The following PGM1 variants were observed in gnomAD, a reference collection of about 807,000 sequenced individuals.
PGM1 encodes the protein phosphoglucomutase-1.
Under a neutral mutation model 55.6 loss-of-function variants are expected in PGM1, and 52 were observed. That is an observed-to-expected ratio of 0.94 (90% CI 0.75 to 1.18). PGM1 has a LOEUF of 1.18. Ranked by LOEUF, PGM1 falls within the 50% of genes most tolerant of loss-of-function variation. PGM1 has a pLI of 0.00. For synonymous variants in PGM1, 287 were observed against 271.7 expected, an observed-to-expected ratio of 1.06 and a Z score of -0.55; for missense variants, 724 against 729.3, an observed-to-expected ratio of 0.99 and a Z score of 0.08.
At chr1:63,598,875 T>C (rs1431935263) in intron 1 of PGM1, among the ~76,000 whole-genome samples, 3 of 152,200 alleles carry the variant, frequency 2.0e-5, no homozygotes, top group Non-Finnish European at 4.4e-5. Flanking sequence ...CAGAGCAAAC[T>C]AGTGGGACTT....
At chr1:63,633,771 G>A (rs961717591) in intron 4 of PGM1, among the ~76,000 whole-genome samples, 8 of 150,620 alleles carry the variant, frequency 5.3e-5, no homozygotes, top group Non-Finnish European at 1.0e-4. Flanking sequence ...AAGTTCAAGC[G>A]ATTCTCCTGC....
intron 7 of PGM1, among the ~76,000 whole-genome samples, chr1:63,644,451 G>C (rs1649599033): frequency 7.0e-6 from 1 of 142,350 alleles, no homozygotes; most frequent in Non-Finnish European, 1.6e-5. Flanking sequence ...TAAGGAAGGA[G>C]GAAAAAAACA....
chr1:63,658,365 T>C (rs1411997115), intron 10 of PGM1, among the ~76,000 whole-genome samples: 1 of 151,292 alleles, frequency 6.6e-6, no homozygotes, highest in Admixed American at 6.6e-5. Context: ...TTTTTTAATA[T>C]TGAAAGCATT....
chr1:63,654,763 T>A (rs1649915452), intron 10 of PGM1, among the ~76,000 whole-genome samples: 1 of 151,884 alleles, frequency 6.6e-6, no homozygotes, highest in Admixed American at 6.6e-5. Flanking sequence ...CAAAAATTAA[T>A]TAATTAATTA....
intron 2 of PGM1, among the ~76,000 whole-genome samples, 162 bp downstream of exon 2, chr1:63,629,749 T>G (rs1171810284): frequency 6.6e-6 from 1 of 152,156 alleles, no homozygotes; most frequent in African/African-American, 2.4e-5. Context: ...CTCATTTGAC[T>G]GTACCTGAAT....
At position 63,631,600 on chromosome 1, in the gene PGM1, A is replaced by G; in HGVS notation, c.557-57A>G. ...TACAGCAATATAGTCACATCAGAAT[A>G]TAATATTTCTAAATGTGTTTAATCC... On this transcript the variant is annotated intron_variant, in intron 3 of 10. Transcript: ENST00000371084. 3.2e-6 allele frequency: 5 copies of G among 1,549,526 alleles called. No individual in the cohort carries two copies. The South Asian group carries it at 3.3e-5, about 10-fold the overall frequency.
At chr1:63,627,025 G>A (rs1413286810) in intron 1 of PGM1, among the ~76,000 whole-genome samples, 2 of 147,960 alleles carry the variant, frequency 1.4e-5, no homozygotes, top group Non-Finnish European at 3.0e-5. Flanking sequence ...TGTCCTCAAG[G>A]TTCATCCATC....
intron 10 of PGM1, among the ~76,000 whole-genome samples, chr1:63,659,384 A>G (rs1006690813): frequency 6.6e-6 from 1 of 152,230 alleles, no homozygotes; most frequent in Non-Finnish European, 1.5e-5. Flanking sequence ...TTCACTTTAC[A>G]TGAAAGACTG....
intron 1 of PGM1, among the ~76,000 whole-genome samples, chr1:63,627,713 A>G (rs1040205657): frequency 6.6e-6 from 1 of 152,098 alleles, no homozygotes; most frequent in Non-Finnish European, 1.5e-5. Flanking sequence ...GTGTAGCTTA[A>G]TATCACCAGC....
Position 63,660,159 on chromosome 1 carries a change from G to A in PGM1, c.*484G>A, listed in dbSNP as rs755055776. The A allele has an allele frequency of 8.1e-5, 14 of 172,408 alleles. No homozygotes were observed. Among genetic ancestry groups the A allele is most frequent in the Admixed American group, 1.1e-4 (2 of 17,884 alleles). The allele number at this position is 172,408 out of a possible 1,614,324, so 10.7% of individuals were successfully genotyped here. ...ATCAGTTCTTTCCTCTGAGTGAGACGTACTTGGCTACAGATTTCTGCCTTG... is the reference window on the plus strand; with the variant it reads ...ATCAGTTCTTTCCTCTGAGTGAGACATACTTGGCTACAGATTTCTGCCTTG... On this transcript the variant is annotated 3_prime_UTR_variant, in exon 11 of 11. Transcript: ENST00000371084.
At chr1:63,639,600 T>C (rs1384928068) in intron 7 of PGM1, among the ~76,000 whole-genome samples, 1 of 152,096 alleles carries the variant, frequency 6.6e-6, no homozygotes, top group Non-Finnish European at 1.5e-5. Context: ...TATAAGGTAG[T>C]TAAGTGACTG....
chr1:63,656,970 TCTCA>T (rs1461039513), intron 10 of PGM1, among the ~76,000 whole-genome samples: 7 of 152,130 alleles, frequency 4.6e-5, no homozygotes, highest in African/African-American at 1.7e-4. Flanking sequence ...TCTTAATTGT[TCTCA>T]CTATCACCAC....
Position 63,631,634 on chromosome 1 carries a change from T to G in PGM1, c.557-23T>G, listed in dbSNP as rs760230563. The G allele has an allele frequency of 6.2e-6, 10 of 1,609,184 alleles. No individual in the cohort carries two copies. The South Asian group carries it at 1.1e-4, about 18-fold the overall frequency. On this transcript the variant is annotated intron_variant, in intron 3 of 10. Coordinates refer to ENST00000371084, the MANE Select transcript of PGM1 (RefSeq NM_002633.3). Reference sequence around the variant, plus strand: ...CTAAATGTGTTTAATCCTTCCATCTTTTGATGTTGCTTGTTCTCACAGTGG... The same window carrying G: ...CTAAATGTGTTTAATCCTTCCATCTGTTGATGTTGCTTGTTCTCACAGTGG...
chr1:63,610,775 G>T (rs1234374691), intron 1 of PGM1, among the ~76,000 whole-genome samples: 1 of 152,190 alleles, frequency 6.6e-6, no homozygotes, highest in Non-Finnish European at 1.5e-5. Flanking sequence ...CAGAGCCTGG[G>T]GGGAGGGAGA....
chr1:63,594,262 G>A (rs1647970452), intron 1 of PGM1: 1 of 403,968 alleles, frequency 2.5e-6, no homozygotes, highest in African/African-American at 2.2e-5. Context: ...GGCAAGGGTG[G>A]CGAGAGCACC....
Position 63,651,789 on chromosome 1 carries a change from T to C in PGM1, c.1401T>C (p.Thr467=), listed in dbSNP as rs745424900. 6.2e-7 allele frequency: 1 copy of C among 1,613,870 alleles called. No individual in the cohort carries two copies. Among genetic ancestry groups the C allele is most frequent in the African/African-American group, 1.3e-5 (1 of 74,912 alleles). Residue 467 remains threonine (T), a synonymous_variant, in exon 9 of 11, where the codon ACT becomes ACC. Coordinates refer to ENST00000371084, the MANE Select transcript of PGM1 (RefSeq NM_002633.3). ...TCTCAGCAAATGACAAAGTTTACAC[T>C]GTGGAGAAGGCCGATAACTTTGAAT... The part of the protein sequence containing the change: ...KQFSANDKVY[T]VEKADNFEYS...
At position 63,659,948 on chromosome 1, in the gene PGM1, T is replaced by C; in HGVS notation, c.*273T>C. 1.8e-6 allele frequency: 1 copy of C among 558,238 alleles called. No individual in the cohort carries two copies. The highest frequency in any genetic ancestry group is 3.3e-6 in the Non-Finnish European group (1 of 307,652). The allele number at this position is 558,238 out of a possible 1,614,324, so 34.6% of individuals were successfully genotyped here. A position where few individuals can be genotyped will look rare whatever the true frequency, so the allele number is the denominator to read the frequency against. On this transcript the variant is annotated 3_prime_UTR_variant, in exon 11 of 11. Coordinates refer to ENST00000371084, the MANE Select transcript of PGM1 (RefSeq NM_002633.3). ...GCGTGGGTATTTGTCTCCTTAGCCA[T>C]CAGGTACAGTTTACACTACAATGTA... is the stretch of plus-strand genomic sequence containing the variant.
rs182060883 is a variant in PGM1 at position 63,647,830 on chromosome 1, C to A, written c.1145-687C>A. ...ATTGAAATTTTGTAATGGTCATGTT[C>A]TTCTGCTGTTTGTTCATTTAAGATC... On this transcript the variant is annotated intron_variant, in intron 7 of 10. Coordinates refer to ENST00000371084, the MANE Select transcript of PGM1 (RefSeq NM_002633.3). 3.3e-5 allele frequency among the ~76,000 whole-genome samples: 5 copies of A among 152,244 alleles called. No homozygotes were observed. The East Asian group carries it at 9.6e-4, about 29-fold the overall frequency.
In PGM1 at chr1:63,638,677, C is replaced by T. The variant is rs752232600; in HGVS notation, c.1029-8C>T. 6.3e-7 allele frequency: 1 copy of T among 1,595,778 alleles called. No homozygotes were observed. Among genetic ancestry groups the T allele is most frequent in the Non-Finnish European group, 8.6e-7 (1 of 1,163,318 alleles). On this transcript the variant is annotated splice_region_variant and splice_polypyrimidine_tract_variant and intron_variant, in intron 6 of 10. Transcript: ENST00000371084. ...CTGTGATGTAACTTTGATTTCATGC[C>T]TTTGAAGGGTGGCTAGTGCTACAAA... is the stretch of plus-strand genomic sequence containing the variant.
Sources: allele counts gnomAD v4.1 joint callset (sites outside exome capture counted in the v4.1 genomes callset), GRCh38; gene constraint gnomAD v4.1.1; transcripts MANE v1.5; gene names NCBI Gene and HGNC (gene_info 2026-07-23, HGNC 2026-07-21).